UGT1A4: variants seen among roughly 807,000 people sequenced by gnomAD.
UGT1A4 encodes the protein UDP glucuronosyltransferase family 1 member A4.
A neutral mutation model predicts 41.1 loss-of-function variants in UGT1A4; 32 were observed. The ratio of observed to expected loss-of-function variants is 0.78; its 90% CI spans 0.59 to 1.05. The LOEUF (loss-of-function observed/expected upper bound fraction) is 1.05, where lower values mean the gene tolerates loss of function less well. Among genes scored for constraint, UGT1A4 ranks in the 50% least tolerant of loss-of-function variants. The probability of loss-of-function intolerance (pLI) is 0.00; values close to 1 mark genes in which losing one functional copy is unlikely to be tolerated. For missense variants in UGT1A4, 748 were observed against 677.4 expected, an observed-to-expected ratio of 1.10 and a Z score of -1.16; for synonymous variants, 283 against 265.1, an observed-to-expected ratio of 1.07 and a Z score of -0.66.
intron 1 of UGT1A4, among the ~76,000 whole-genome samples, chr2:233,765,887 T>C (rs1279202147): frequency 1.3e-5 from 2 of 152,030 alleles, no homozygotes; most frequent in African/African-American, 2.4e-5. Flanking sequence ...ACTTTCTCAG[T>C]GCGCCACTGC....
At chr2:233,767,261 T>C in intron 2 of UGT1A4, 96 bp downstream of exon 2, 1 of 1,590,062 alleles carries the variant, frequency 6.3e-7, no homozygotes, top group Non-Finnish European at 8.5e-7. Context: ...ATTGGAACCT[T>C]AGATTTGGCT....
intron 1 of UGT1A4, among the ~76,000 whole-genome samples, chr2:233,737,149 C>G (rs2125805846): frequency 6.6e-6 from 1 of 152,368 alleles, no homozygotes; most frequent in South Asian, 2.1e-4. Flanking sequence ...TTCAGATATG[C>G]CCTGCCCACA....
At chr2:233,747,473 T>A in intron 1 of UGT1A4, 2 of 1,608,772 alleles carry the variant, frequency 1.2e-6, no homozygotes, top group South Asian at 2.2e-5. Context: ...GGACCCAGGA[T>A]GAATTTGATC....
chr2:233,718,738 T>A lies in UGT1A4; in HGVS notation c.-83T>A, dbSNP rs1216581751. On this transcript the variant is annotated 5_prime_UTR_variant, in exon 1 of 5. An upstream start codon of the reference 5' UTR is lost. Coordinates refer to ENST00000373409, the MANE Select transcript of UGT1A4 (RefSeq NM_007120.3). Reference sequence around the variant, plus strand: ...CATGCTGATTTGCTAGGTGGCTCAATGACAAGGTAATTAAGGCGAAGGAAA... The same window carrying A: ...CATGCTGATTTGCTAGGTGGCTCAAAGACAAGGTAATTAAGGCGAAGGAAA... 8.1e-6 allele frequency: 13 copies of A among 1,611,734 alleles called. No individual in the cohort carries two copies. The highest frequency in any genetic ancestry group is 1.7e-5 in the Admixed American group (1 of 59,982).
At chr2:233,741,094 A>G (rs1452297102) in intron 1 of UGT1A4, among the ~76,000 whole-genome samples, 2 of 151,824 alleles carry the variant, frequency 1.3e-5, no homozygotes, top group Non-Finnish European at 2.9e-5. Flanking sequence ...CAAACAAGCA[A>G]ACAGACAATC....
chr2:233,770,134 A>T (rs1182793290), intron 4 of UGT1A4: 14 of 152,284 alleles, frequency 9.2e-5, no homozygotes, highest in African/African-American at 3.4e-4. Flanking sequence ...AAAGTCCTCT[A>T]ATACATTATT....
intron 1 of UGT1A4, chr2:233,741,740 C>G (rs1158976781): frequency 1.3e-5 from 2 of 151,864 alleles, no homozygotes; most frequent in Admixed American, 6.6e-5. Flanking sequence ...CCATATCACA[C>G]TCTTTGTTGG....
At position 233,719,259 on chromosome 2, in the gene UGT1A4, G is replaced by A. The variant is rs746608425; in HGVS notation, c.439G>A (p.Asp147Asn). ...CAGGCACCTGAATGCTACTTCCTTT[G>A]ATGTGGTTTTAACAGACCCCGTTAA... The part of the protein sequence containing the change: ...LIRHLNATSF[D>N]VVLTDPVNLC... The change falls in exon 1 of 5, where the codon GAT (aspartate) becomes AAT (asparagine). Residue 147 changes from aspartate to asparagine, a missense_variant. By Grantham distance (23) the Asp-to-Asn change is conservative. Coordinates refer to ENST00000373409, the MANE Select transcript of UGT1A4 (RefSeq NM_007120.3). 2 of 1,614,146 alleles carry A rather than the reference G, an allele frequency of 1.2e-6. No individual in the cohort carries two copies. The highest frequency in any genetic ancestry group is 1.7e-5 in the Admixed American group (1 of 60,026).
chr2:233,719,548 T>C lies in UGT1A4; in HGVS notation c.728T>C (p.Val243Ala). 6.2e-7 allele frequency: 1 copy of C among 1,613,762 alleles called. No individual in the cohort carries two copies. Among genetic ancestry groups the C allele is most frequent in the Non-Finnish European group, 8.5e-7 (1 of 1,179,834 alleles). ...SLASELFQRE[V>A]SVVDLVSYAS... ...GCCTCTGAGCTTTTTCAGAGAGAGG[T>C]GTCAGTGGTGGATCTTGTCAGCTAT... The change falls in exon 1 of 5, where the codon GTG (valine) becomes GCG (alanine). Residue 243 changes from valine to alanine, a missense_variant. Physicochemically the swap from Val to Ala is moderately conservative, Grantham distance 64. Transcript: ENST00000373409.
intron 1 of UGT1A4, among the ~76,000 whole-genome samples, chr2:233,740,100 A>G (rs17862874): frequency 0.037 from 5,662 of 151,960 alleles, 157 homozygotes; most frequent in Non-Finnish European, 0.057. Context: ...CATGTGAGAC[A>G]TGCCTTTGCT....
chr2:233,725,035 A>C lies in UGT1A4; in HGVS notation c.867+5348A>C, dbSNP rs1161342472. 1.1e-4 allele frequency among the ~76,000 whole-genome samples: 17 copies of C among 148,286 alleles called. 1 individual carries two copies. The highest frequency in any genetic ancestry group is 4.0e-4 in the African/African-American group (16 of 39,830). On this transcript the variant is annotated intron_variant, in intron 1 of 4. Transcript: ENST00000373409. ...AAACAGCAAAACCCGGTCTCCACCA[A>C]AACCAGTCAGGCGTGGCGGCGCGCG... is the stretch of plus-strand genomic sequence containing the variant.
At chr2:233,733,439 G>A (rs1332999216) in intron 1 of UGT1A4, among the ~76,000 whole-genome samples, 1 of 152,168 alleles carries the variant, frequency 6.6e-6, no homozygotes, top group East Asian at 1.9e-4. Context: ...GATATTGGCT[G>A]CGGGTTTGTC....
chr2:233,725,993 G>C (rs28899191), intron 1 of UGT1A4, among the ~76,000 whole-genome samples: 10,378 of 151,980 alleles, frequency 0.068, 500 homozygotes, highest in East Asian at 0.2. Flanking sequence ...TGCTGAGACT[G>C]CATCTCTACA....
At chr2:233,723,129 G>A (rs1366176917) in intron 1 of UGT1A4, among the ~76,000 whole-genome samples, 2 of 137,690 alleles carry the variant, frequency 1.5e-5, no homozygotes, top group Non-Finnish European at 3.1e-5. Context: ...TTTCTGTACA[G>A]TACCAATTCT....
At chr2:233,747,851 C>G in intron 1 of UGT1A4, 1 of 1,613,534 alleles carries the variant, frequency 6.2e-7, no homozygotes, top group Non-Finnish European at 8.5e-7. Context: ...GGGTCAAGAA[C>G]ATGCTCTACC....
intron 1 of UGT1A4, chr2:233,747,461 A>G (rs1413279224): frequency 3.7e-5 from 60 of 1,608,752 alleles, no homozygotes; most frequent in Admixed American, 5.0e-5. Flanking sequence ...ATGCCATTTC[A>G]TGGACCCAGG....
intron 1 of UGT1A4, among the ~76,000 whole-genome samples, chr2:233,757,480 T>G (rs935196749): frequency 1.4e-5 from 2 of 146,296 alleles, no homozygotes; most frequent in African/African-American, 5.1e-5. Context: ...TCCAAAACCA[T>G]GGACTGGCAC....
rs1175236836 is a variant in UGT1A4 at position 233,719,118 on chromosome 2, T to G, written c.298T>G (p.Phe100Val). 4 of 1,614,062 alleles carry G rather than the reference T, an allele frequency of 2.5e-6. No homozygotes were observed. Among genetic ancestry groups the G allele is most frequent in the Non-Finnish European group, 2.5e-6 (3 of 1,180,038 alleles). The part of the protein sequence containing the change: ...DRVTLGYTQG[F>V]FETEHLLKRY... ...CGTTACGCTGGGCTACACTCAAGGG[T>G]TCTTTGAAACAGAACATCTTCTGAA... The change falls in exon 1 of 5, where the codon TTC becomes GTC. Residue 100 changes from phenylalanine (F) to valine (V), a missense_variant. Transcript: ENST00000373409.
At chr2:233,719,813 A>G in intron 1 of UGT1A4, 126 bp downstream of exon 1, 1 of 1,586,286 alleles carries the variant, frequency 6.3e-7, no homozygotes, top group Non-Finnish European at 8.6e-7. Context: ...TCTTTATAAC[A>G]GATAAACTGT....
Sources: allele counts gnomAD v4.1 joint callset (sites outside exome capture counted in the v4.1 genomes callset), GRCh38; gene constraint gnomAD v4.1.1; transcripts MANE v1.5; gene names NCBI Gene and HGNC (gene_info 2026-07-23, HGNC 2026-07-21).